The following LHFPL6 variants were observed in gnomAD, a reference collection of about 807,000 sequenced individuals.
LHFPL6 encodes LHFPL tetraspan subfamily member 6, also known as LHFPL tetraspan subfamily member 6 protein.
In LHFPL6, 9 loss-of-function variants were observed where a neutral mutation model predicts 20.6. The observed-to-expected ratio is 0.44, with a 90% CI of 0.26 to 0.76. The LOEUF (loss-of-function observed/expected upper bound fraction) is 0.76. Among genes scored for constraint, LHFPL6 ranks in the 30% least tolerant of loss-of-function variants. The probability of loss-of-function intolerance (pLI) is 0.20; values close to 1 mark genes in which losing one functional copy is unlikely to be tolerated. For missense variants in LHFPL6, 218 were observed against 253.5 expected, an observed-to-expected ratio of 0.86 and a Z score of 0.95; for synonymous variants, 105 against 98.7, an observed-to-expected ratio of 1.06 and a Z score of -0.38.
chr13:39,601,477 T>C (rs1872945955), intron 1 of LHFPL6, 87 bp from the exon 2 acceptor site: 2 of 347,398 alleles, frequency 5.8e-6, no homozygotes, highest in East Asian at 8.4e-5. Context: ...TTTCAATTAA[T>C]AAACATTGAG....
intron 2 of LHFPL6, among the ~76,000 whole-genome samples, chr13:39,409,582 T>A (rs1348574609): frequency 2.0e-5 from 3 of 152,244 alleles, no homozygotes; most frequent in African/African-American, 7.2e-5. Context: ...GGGACTTATA[T>A]GTCTCTGGGC....
chr13:39,542,353 T>A (rs7998105), intron 2 of LHFPL6, among the ~76,000 whole-genome samples: 61,935 of 152,022 alleles, frequency 0.41, 12,833 homozygotes, highest in Admixed American at 0.5. Flanking sequence ...CTAATAAACG[T>A]TGGAAATGTG....
intron 2 of LHFPL6, among the ~76,000 whole-genome samples, chr13:39,453,344 T>A (rs1368563459): frequency 6.6e-6 from 1 of 152,196 alleles, no homozygotes; most frequent in Non-Finnish European, 1.5e-5. Flanking sequence ...AGAGGATGAA[T>A]GAAGCTATAT....
At chr13:39,495,344 T>C (rs1444463320) in intron 2 of LHFPL6, among the ~76,000 whole-genome samples, 2 of 152,210 alleles carry the variant, frequency 1.3e-5, no homozygotes. Flanking sequence ...CCGGTTGATT[T>C]CATTTAATAG....
Position 39,430,636 on chromosome 13 carries a change from G to A in LHFPL6, c.386-52110C>T, listed in dbSNP as rs58506311. ...AACTTTTCTGTCTAGCTAAAGTTTT[G>A]CAAACGCACCAATCAGCACTCTGTA... On this transcript the variant is annotated intron_variant, in intron 2 of 3. Transcript: ENST00000379589. 7.3e-3 allele frequency among the ~76,000 whole-genome samples: 1,110 copies of A among 152,274 alleles called. 18 individuals carry two copies. The highest frequency in any genetic ancestry group is 0.026 in the African/African-American group (1,061 of 41,542).
At chr13:39,557,390 A>T (rs897656882) in intron 2 of LHFPL6, among the ~76,000 whole-genome samples, 2 of 152,172 alleles carry the variant, frequency 1.3e-5, no homozygotes, top group Admixed American at 1.3e-4. Flanking sequence ...TTCCACACGG[A>T]TTTCAGAGGA....
rs533303834 is a variant in LHFPL6, at chr13:39,577,850, A to G, written c.385+22982T>C. Among the ~76,000 whole-genome samples the G allele has an allele frequency of 5.9e-5, 9 of 152,014 alleles. No individual in the cohort carries two copies. In the South Asian group the frequency reaches 6.2e-4, roughly 11 times the overall value. On this transcript the variant is annotated intron_variant, in intron 2 of 3. Transcript: ENST00000379589. ...GAGACGGAGTTTCACCATGTTGGCC[A>G]GGCTGGTCTCAAACTCCTGACCTCT...
intron 2 of LHFPL6, among the ~76,000 whole-genome samples, chr13:39,595,118 A>T (rs561316049): frequency 6.6e-6 from 1 of 152,092 alleles, no homozygotes; most frequent in South Asian, 2.1e-4. Context: ...AAAGTATAAT[A>T]AAATAAATAA....
At chr13:39,418,288 T>C (rs1871394484) in intron 2 of LHFPL6, among the ~76,000 whole-genome samples, 1 of 151,972 alleles carries the variant, frequency 6.6e-6, no homozygotes, top group Admixed American at 6.6e-5. Context: ...AAAGAACAAA[T>C]GGAATATAAT....
At chr13:39,497,012 C>T (rs567013835) in intron 2 of LHFPL6, among the ~76,000 whole-genome samples, 2 of 152,306 alleles carry the variant, frequency 1.3e-5, no homozygotes, top group East Asian at 3.9e-4. Flanking sequence ...GATCTAACTG[C>T]TGGCTGTAAA....
At chr13:39,555,053 A>G (rs1871262413) in intron 2 of LHFPL6, among the ~76,000 whole-genome samples, 1 of 152,220 alleles carries the variant, frequency 6.6e-6, no homozygotes, top group African/African-American at 2.4e-5. Context: ...CTCTTGCTCC[A>G]TTATCAAAAA....
intron 2 of LHFPL6, among the ~76,000 whole-genome samples, chr13:39,543,932 G>A (rs904571577): frequency 1.3e-5 from 2 of 152,182 alleles, no homozygotes; most frequent in Non-Finnish European, 2.9e-5. Context: ...AAAGTCTTGC[G>A]ATTATGAAAA....
chr13:39,526,157 T>C (rs1196855561), intron 2 of LHFPL6, among the ~76,000 whole-genome samples: 1 of 152,214 alleles, frequency 6.6e-6, no homozygotes, highest in African/African-American at 2.4e-5. Flanking sequence ...ACAGTAACCC[T>C]ATATTGACTG....
In LHFPL6 at chr13:39,562,625, C is replaced by CATATAT. The variant is rs1432378212; in HGVS notation, c.385+38206_385+38207insATATAT. 3.8e-3 allele frequency among the ~76,000 whole-genome samples: 354 copies of CATATAT among 92,750 alleles called. 1 individual carries two copies. Among genetic ancestry groups the CATATAT allele is most frequent in the Non-Finnish European group, 5.6e-3 (261 of 46,584 alleles). 60.8% of individuals were successfully genotyped at this position (92,750 alleles called of 152,430 possible). On this transcript the variant is annotated intron_variant, in intron 2 of 3. Coordinates refer to ENST00000379589, the MANE Select transcript of LHFPL6 (RefSeq NM_005780.3). ...ACATATACATATATACACATATATA[C>CATATAT]ACACATATATATACACATATATACA...
chr13:39,423,624 C>T (rs1005403413), intron 2 of LHFPL6, among the ~76,000 whole-genome samples: 6 of 152,022 alleles, frequency 3.9e-5, no homozygotes, highest in African/African-American at 1.4e-4. Flanking sequence ...AAAGCTGACA[C>T]ACAAAGGATA....
At chr13:39,435,029 GTCCGA>G (rs1174726231) in intron 2 of LHFPL6, among the ~76,000 whole-genome samples, 1 of 119,454 alleles carries the variant, frequency 8.4e-6, no homozygotes, top group Non-Finnish European at 1.6e-5. Context: ...GCAGTCCGCA[GTCCGA>G]CCTGGGCGAC....
intron 2 of LHFPL6, among the ~76,000 whole-genome samples, chr13:39,520,243 G>A (rs55659551): frequency 0.21 from 32,505 of 152,060 alleles, 4,329 homozygotes; most frequent in South Asian, 0.39. Context: ...AACAAACACT[G>A]GGAAAAACAG....
chr13:39,553,495 T>C (rs1402256965), intron 2 of LHFPL6, among the ~76,000 whole-genome samples: 7 of 152,172 alleles, frequency 4.6e-5, no homozygotes, highest in Non-Finnish European at 7.4e-5. Context: ...GAGGATCCCT[T>C]GAGCTCAGGA....
Position 39,461,799 on chromosome 13 carries a change from T to C in LHFPL6, c.386-83273A>G, listed in dbSNP as rs140394998. Among the ~76,000 whole-genome samples, 40 of 150,544 alleles carry C rather than the reference T, an allele frequency of 2.7e-4. No homozygotes were observed. The East Asian group carries it at 7.2e-3, about 27-fold the overall frequency. Reference sequence around the variant, plus strand: ...GCTGAAGTATTTGCATTAAACAGTCTCAGCCCAGCATACATTGGTACATCC... The same window carrying C: ...GCTGAAGTATTTGCATTAAACAGTCCCAGCCCAGCATACATTGGTACATCC... On this transcript the variant is annotated intron_variant, in intron 2 of 3. Transcript: ENST00000379589.
Sources: allele counts gnomAD v4.1 joint callset (sites outside exome capture counted in the v4.1 genomes callset), GRCh38; gene constraint gnomAD v4.1.1; transcripts MANE v1.5; gene names NCBI Gene and HGNC (gene_info 2026-07-23, HGNC 2026-07-21).